The following ABHD3 variants were observed in gnomAD, a reference collection of about 807,000 sequenced individuals.
ABHD3 encodes phospholipase ABHD3.
In ABHD3, 46 loss-of-function variants were observed where a neutral mutation model predicts 48.8. The ratio of observed to expected loss-of-function variants is 0.94; its 90% CI spans 0.74 to 1.20. ABHD3 has a LOEUF of 1.20. Among genes scored for constraint, ABHD3 ranks in the 50% most tolerant of loss-of-function variants. The pLI is 0.00. For synonymous variants in ABHD3, 192 were observed against 183.7 expected (o/e 1.04, Z -0.36); for missense variants, 490 against 497.8 (o/e 0.98, Z 0.15).
intron 3 of ABHD3, among the ~76,000 whole-genome samples, chr18:21,695,274 C>A (rs951429507): frequency 1.1e-4 from 16 of 152,210 alleles, no homozygotes; most frequent in African/African-American, 3.9e-4. Context: ...AAGTGATCCG[C>A]CTGCCTTAGC....
chr18:21,702,916 T>C (rs944377256), intron 2 of ABHD3, among the ~76,000 whole-genome samples: 2 of 152,230 alleles, frequency 1.3e-5, no homozygotes, highest in African/African-American at 4.8e-5. Context: ...CCTTGTATAG[T>C]ATACTTCAAG....
rs892443201 is a variant in ABHD3 at position 21,703,443 on chromosome 18, G to T, written c.326+141C>A. On this transcript the variant is annotated intron_variant, in intron 2 of 8. Transcript: ENST00000289119. ...TGCAGCTGGGGGTGGAGCCGGGGAC[G>T]TACCTTCCATTTTCATTCCCTCTTT... 3.7e-5 allele frequency: 38 copies of T among 1,014,654 alleles called. No individual in the cohort carries two copies. In the East Asian group the frequency reaches 9.8e-4, roughly 26 times the overall value. 62.9% of individuals were successfully genotyped at this position (1,014,654 alleles called of 1,614,324 possible).
In ABHD3 at chr18:21,664,238, T is replaced by C. The variant is rs756580657; in HGVS notation, c.556-8A>G. On this transcript the variant is annotated splice_region_variant and splice_polypyrimidine_tract_variant and intron_variant, in intron 4 of 8. Transcript: ENST00000289119. ...ACAATAAGTCCTTGGCGTCTGGAAG[T>C]AGTGACAAGTAAAGCACAAAAATTA... 1.2e-6 allele frequency: 2 copies of C among 1,601,058 alleles called. No homozygotes were observed. The highest frequency in any genetic ancestry group is 1.7e-6 in the Non-Finnish European group (2 of 1,176,998).
At chr18:21,660,147 ATTTT>A (rs1303103294) in intron 5 of ABHD3, among the ~76,000 whole-genome samples, 1 of 83,822 alleles carries the variant, frequency 1.2e-5, no homozygotes, top group East Asian at 4.7e-4. Flanking sequence ...AAAAAAAAAA[ATTTT>A]TTTTTTTTTT....
At position 21,659,141 on chromosome 18, in the gene ABHD3, GGA is replaced by G. The variant is rs759901445; in HGVS notation, c.842+27_842+28del. ...GGCGTGAGCCACCGGGCCCGGCCCT[GGA>G]GACAACAGATTTTAAAGATGACTCA... On this transcript the variant is annotated intron_variant, in intron 6 of 8. Coordinates refer to ENST00000289119, the MANE Select transcript of ABHD3 (RefSeq NM_138340.5). 4 of 1,603,606 alleles carry G rather than the reference GGA, an allele frequency of 2.5e-6. No individual in the cohort carries two copies. The South Asian group carries it at 4.5e-5, about 18-fold the overall frequency.
rs1367289272 is a variant in ABHD3, at chr18:21,664,224, T to C, written c.562A>G (p.Arg188Gly). The part of the protein sequence containing the change: ...GVAGENLLTP[R>G]TYCCANTEDL... Reference sequence around the variant, plus strand: ...TCAGTGTTAGCACAACAATAAGTCCTTGGCGTCTGGAAGTAGTGACAAGTA... The same window carrying C: ...TCAGTGTTAGCACAACAATAAGTCCCTGGCGTCTGGAAGTAGTGACAAGTA... Residue 188 changes from arginine to glycine, a missense_variant, in exon 5 of 9, where the codon AGG (arginine) becomes GGG (glycine). By Grantham distance (125) the Arg-to-Gly change is moderately radical. Transcript: ENST00000289119. 6.2e-7 allele frequency: 1 copy of C among 1,610,838 alleles called. No homozygotes were observed. The highest frequency in any genetic ancestry group is 8.5e-7 in the Non-Finnish European group (1 of 1,179,328).
intron 3 of ABHD3, among the ~76,000 whole-genome samples, chr18:21,696,891 T>C (rs1193995735): frequency 1.3e-5 from 2 of 151,958 alleles, no homozygotes; most frequent in East Asian, 3.9e-4. Context: ...CTTATTTTAT[T>C]TACCTTCCAG....
chr18:21,672,007 A>G (rs139517205), intron 4 of ABHD3, among the ~76,000 whole-genome samples: 48 of 152,318 alleles, frequency 3.2e-4, no homozygotes, highest in African/African-American at 1.2e-3. Context: ...AATATCATTA[A>G]TTACTATTAT....
chr18:21,680,804 CTT>C (rs1381944635), intron 4 of ABHD3, among the ~76,000 whole-genome samples: 1 of 151,816 alleles, frequency 6.6e-6, no homozygotes, highest in African/African-American at 2.4e-5. Context: ...TCCTTCTCCT[CTT>C]TTTCTCTCCT....
intron 3 of ABHD3, 53 bp downstream of exon 3, chr18:21,702,263 T>C: frequency 7.2e-7 from 1 of 1,395,006 alleles, no homozygotes; most frequent in Non-Finnish European, 9.6e-7. Flanking sequence ...TAGATATATT[T>C]GTACTTCATT....
At chr18:21,662,454 T>G (rs549246165) in intron 5 of ABHD3, 15 of 152,246 alleles carry the variant, frequency 9.9e-5, no homozygotes, top group African/African-American at 3.4e-4. Context: ...TGAGATTTGG[T>G]ACACAATAAT....
At chr18:21,669,068 AC>A (rs1433912862) in intron 4 of ABHD3, among the ~76,000 whole-genome samples, 1 of 151,592 alleles carries the variant, frequency 6.6e-6, no homozygotes, top group Non-Finnish European at 1.5e-5. Context: ...AAATTAAAAA[AC>A]AACAACAACA....
At chr18:21,695,967 A>T (rs1481566758) in intron 3 of ABHD3, among the ~76,000 whole-genome samples, 3 of 152,110 alleles carry the variant, frequency 2.0e-5, no homozygotes, top group Non-Finnish European at 4.4e-5. Flanking sequence ...ATAATTCTGG[A>T]TGGGTCATTC....
chr18:21,668,064 G>T (rs1475547910), intron 4 of ABHD3, among the ~76,000 whole-genome samples: 2 of 151,604 alleles, frequency 1.3e-5, no homozygotes, highest in African/African-American at 4.8e-5. Flanking sequence ...AGCCGGGTGT[G>T]GTGGCAGGCA....
chr18:21,667,007 C>G (rs1457135950), intron 4 of ABHD3, among the ~76,000 whole-genome samples: 1 of 152,092 alleles, frequency 6.6e-6, no homozygotes, highest in Non-Finnish European at 1.5e-5. Context: ...TGTCAATTAA[C>G]CATGATCATG....
intron 4 of ABHD3, among the ~76,000 whole-genome samples, chr18:21,671,692 A>G (rs2039760949): frequency 6.6e-6 from 1 of 152,224 alleles, no homozygotes; most frequent in African/African-American, 2.4e-5. Context: ...AGATATTTGG[A>G]CATAAACATT....
chr18:21,701,667 T>C (rs2040516310), intron 3 of ABHD3: 2 of 151,962 alleles, frequency 1.3e-5, no homozygotes, highest in African/African-American at 4.8e-5. Context: ...GTACCTTTTA[T>C]AATGACTCTA....
chr18:21,676,544 C>A (rs894500579), intron 4 of ABHD3, among the ~76,000 whole-genome samples: 1 of 152,304 alleles, frequency 6.6e-6, no homozygotes, highest in Non-Finnish European at 1.5e-5. Context: ...GCATGCGCCA[C>A]CACACCCAGC....
intron 5 of ABHD3, among the ~76,000 whole-genome samples, chr18:21,660,925 C>T (rs963725802): frequency 1.3e-5 from 2 of 151,632 alleles, no homozygotes; most frequent in African/African-American, 4.8e-5. Context: ...AATTAGAAGG[C>T]CTTGAAGGGA....
Sources: gnomAD v4.1 joint callset for allele counts (sites outside exome capture counted in the v4.1 genomes callset) on GRCh38, gnomAD v4.1.1 for gene constraint, MANE v1.5 for transcripts, NCBI Gene and HGNC (gene_info 2026-07-23, HGNC 2026-07-21) for gene names.